TMEM87A: variants seen among roughly 807,000 people sequenced by gnomAD.
TMEM87A encodes the protein transmembrane protein 87A.
Under a neutral mutation model 90.0 loss-of-function variants are expected in TMEM87A, and 50 were observed. That is an observed-to-expected ratio of 0.56 (90% CI 0.44 to 0.70). The LOEUF is 0.70. Among genes scored for constraint, TMEM87A ranks in the 30% least tolerant of loss-of-function variants. The probability of loss-of-function intolerance (pLI) is 0.00; values close to 1 mark genes in which losing one functional copy is unlikely to be tolerated. For synonymous variants in TMEM87A, 226 were observed against 226.7 expected, an observed-to-expected ratio of 1.00 and a Z score of 0.03; for missense variants, 577 against 660.5, an observed-to-expected ratio of 0.87 and a Z score of 1.39.
chr15:42,264,213 G>C lies in TMEM87A; in HGVS notation c.292-10C>G. ...ACTCTACTTCTTCTGCCTGGAAAAA[G>C]AGATAATACAGAGTAGTTAACTCAC... On this transcript the variant is annotated splice_polypyrimidine_tract_variant and intron_variant, in intron 3 of 19. Transcript: ENST00000389834. 1 of 1,592,676 alleles carries C rather than the reference G, an allele frequency of 6.3e-7. No homozygotes were observed. The highest frequency in any genetic ancestry group is 8.6e-7 in the Non-Finnish European group (1 of 1,162,108).
At chr15:42,255,058 G>A (rs952313001) in intron 6 of TMEM87A, among the ~76,000 whole-genome samples, 1 of 150,808 alleles carries the variant, frequency 6.6e-6, no homozygotes, top group African/African-American at 2.4e-5. Context: ...TTGACCTCCT[G>A]GGCTCAAGTG....
At position 42,273,245 on chromosome 15, in the gene TMEM87A, G is replaced by C. The variant is rs368047226; in HGVS notation, c.144+10C>G. ...CTCTAGGTTCAGACGTTAGTGAAGT[G>C]AATACTCACCGACGGTATCGGAATG... On this transcript the variant is annotated intron_variant, in intron 1 of 19. Coordinates refer to ENST00000389834, the MANE Select transcript of TMEM87A (RefSeq NM_015497.5). 4.3e-6 allele frequency: 7 copies of C among 1,613,366 alleles called. No homozygotes were observed. The African/African-American group carries it at 8.0e-5, about 18-fold the overall frequency.
intron 9 of TMEM87A, among the ~76,000 whole-genome samples, chr15:42,236,771 C>T (rs1364711146): frequency 7.2e-5 from 11 of 152,150 alleles, no homozygotes; most frequent in Non-Finnish European, 1.3e-4. Context: ...TAGAAAAGCA[C>T]AAAACACACT....
intron 17 of TMEM87A, chr15:42,219,046 C>CT: frequency 6.5e-6 from 1 of 154,828 alleles, no homozygotes; most frequent in Non-Finnish European, 1.4e-5. Flanking sequence ...CAAGGGTTCC[C>CT]TTTTTTCCAT....
chr15:42,244,541 A>G (rs544951775), intron 6 of TMEM87A, among the ~76,000 whole-genome samples: 5 of 151,910 alleles, frequency 3.3e-5, no homozygotes, highest in Admixed American at 3.3e-4. Context: ...CACCTTAAAC[A>G]AAACTTAATG....
Position 42,239,657 on chromosome 15 carries a change from T to C in TMEM87A, c.684+13A>G, listed in dbSNP as rs1566931237. On this transcript the variant is annotated intron_variant, in intron 8 of 19. Coordinates refer to ENST00000389834, the MANE Select transcript of TMEM87A (RefSeq NM_015497.5). ...CATCCAATACTGAGGTTAAATAATA[T>C]AAAGTCACTTACAATCATCAAGGGA... 2.5e-6 allele frequency: 4 copies of C among 1,609,866 alleles called. No individual in the cohort carries two copies. Among genetic ancestry groups the C allele is most frequent in the Non-Finnish European group, 3.4e-6 (4 of 1,176,190 alleles).
chr15:42,230,510 C>A (rs2050668881), intron 12 of TMEM87A, among the ~76,000 whole-genome samples: 1 of 152,124 alleles, frequency 6.6e-6, no homozygotes, highest in Non-Finnish European at 1.5e-5. Context: ...AACTTGAATC[C>A]TTTAGCCATC....
Position 42,264,699 on chromosome 15 carries a change from A to ATATATATATATATATAT in TMEM87A, c.292-497_292-496insATATATATATATATATA, listed in dbSNP as rs10681614. Among the ~76,000 whole-genome samples, 126 of 109,422 alleles carry ATATATATATATATATAT rather than the reference A, an allele frequency of 1.2e-3. 2 individuals carry two copies. The highest frequency in any genetic ancestry group is 3.7e-3 in the African/African-American group (119 of 32,506). The allele number at this position is 109,422 out of a possible 152,430, so 71.8% of individuals were successfully genotyped here. ...TATGTGTGTGTATATATATATATAT[A>ATATATATATATATATAT]TTTTTTTTTTAACTTTTATTTTAGG... On this transcript the variant is annotated intron_variant, in intron 3 of 19. Coordinates refer to ENST00000389834, the MANE Select transcript of TMEM87A (RefSeq NM_015497.5).
chr15:42,228,178 G>A (rs557625814), intron 13 of TMEM87A, among the ~76,000 whole-genome samples: 8 of 152,102 alleles, frequency 5.3e-5, no homozygotes, highest in South Asian at 4.2e-4. Context: ...CTGATAAAAC[G>A]ACTGTAACAC....
At position 42,264,226 on chromosome 15, in the gene TMEM87A, G is replaced by A. The variant is rs755244110; in HGVS notation, c.292-23C>T. ...TGCCTGGAAAAAGAGATAATACAGA[G>A]TAGTTAACTCACCTTCCAAAAAATA... On this transcript the variant is annotated intron_variant, in intron 3 of 19. Transcript: ENST00000389834. 2.6e-6 allele frequency: 4 copies of A among 1,539,718 alleles called. No homozygotes were observed. In the Admixed American group the frequency reaches 6.9e-5, roughly 26 times the overall value.
At chr15:42,264,263 G>C in intron 3 of TMEM87A, 60 bp from the exon 4 acceptor site, 1 of 1,168,636 alleles carries the variant, frequency 8.6e-7, no homozygotes, top group Non-Finnish European at 1.3e-6. Context: ...GATACTAAGA[G>C]CACAGCACAA....
At chr15:42,265,289 C>T (rs1022359517) in intron 3 of TMEM87A, among the ~76,000 whole-genome samples, 6 of 152,190 alleles carry the variant, frequency 3.9e-5, no homozygotes, top group Non-Finnish European at 7.3e-5. Context: ...TGCCACAGTG[C>T]TTTCCACAGT....
chr15:42,238,635 G>C (rs2050817554), intron 8 of TMEM87A, among the ~76,000 whole-genome samples: 1 of 152,018 alleles, frequency 6.6e-6, no homozygotes, highest in Non-Finnish European at 1.5e-5. Flanking sequence ...TGTTGTCCTA[G>C]CTGCTTGGGA....
chr15:42,215,651 C>G (rs908946474), intron 19 of TMEM87A, among the ~76,000 whole-genome samples: 2 of 152,106 alleles, frequency 1.3e-5, no homozygotes, highest in Non-Finnish European at 2.9e-5. Flanking sequence ...AAATGCTCAT[C>G]ATCACTAATC....
intron 4 of TMEM87A, 51 bp downstream of exon 4, chr15:42,264,039 C>T (rs2051348534): frequency 2.1e-6 from 3 of 1,427,568 alleles, no homozygotes; most frequent in South Asian, 1.2e-5. Flanking sequence ...AAAATATATA[C>T]ATTCCAATTT....
Position 42,228,769 on chromosome 15 carries a change from T to C in TMEM87A, c.1183A>G (p.Ile395Val), listed in dbSNP as rs994144808. The change falls in exon 13 of 20, where the codon ATT (isoleucine) becomes GTT (valine). Residue 395 changes from isoleucine to valine, a missense_variant. Physicochemically the swap from Ile to Val is conservative, Grantham distance 29. Coordinates refer to ENST00000389834, the MANE Select transcript of TMEM87A (RefSeq NM_015497.5). ...TGCCGATACAAAGAGAGTTTTACAA[T>C]GTTCCTCCGAAGTTTTAATAGCTTC... is the stretch of plus-strand genomic sequence containing the variant. ...TMKLLKLRRN[I>V]VKLSLYRHFT... 1.2e-6 allele frequency: 2 copies of C among 1,608,256 alleles called. No homozygotes were observed. Among genetic ancestry groups the C allele is most frequent in the Non-Finnish European group, 1.7e-6 (2 of 1,178,432 alleles).
chr15:42,256,262 AC>A (rs1342520318), intron 6 of TMEM87A, among the ~76,000 whole-genome samples: 2 of 151,028 alleles, frequency 1.3e-5, no homozygotes, highest in Non-Finnish European at 3.0e-5. Context: ...GGCCTCATGC[AC>A]CCAAGTAGCT....
chr15:42,260,861 C>A, intron 6 of TMEM87A, 97 bp downstream of exon 6: 1 of 1,341,188 alleles, frequency 7.5e-7, no homozygotes, highest in South Asian at 1.4e-5. Flanking sequence ...ACTTTCTTTT[C>A]AAATATTAGC....
chr15:42,226,963 T>TCATA (rs1177767312), intron 14 of TMEM87A, 54 bp from the exon 15 acceptor site: 23 of 1,534,072 alleles, frequency 1.5e-5, no homozygotes, highest in Non-Finnish European at 2.0e-5. Flanking sequence ...AACCCCTTGT[T>TCATA]CATAAAGCCT....
Sources: allele counts gnomAD v4.1 joint callset (sites outside exome capture counted in the v4.1 genomes callset), GRCh38; gene constraint gnomAD v4.1.1; transcripts MANE v1.5; gene names NCBI Gene and HGNC (gene_info 2026-07-23, HGNC 2026-07-21).